Variants in KLRK1 observed in about 807,000 individuals in gnomAD.
KLRK1 encodes NKG2-D type II integral membrane protein.
Under a neutral mutation model 31.3 loss-of-function variants are expected in KLRK1, and 40 were observed. The observed-to-expected ratio is 1.28, with a 90% CI of 0.99 to 1.67. The LOEUF (loss-of-function observed/expected upper bound fraction) is 1.67. Among genes scored for constraint, KLRK1 ranks in the 40% most tolerant of loss-of-function variants. The pLI is 0.00. For synonymous variants in KLRK1, 77 were observed against 77.3 expected (o/e 1.00, Z 0.02); for missense variants, 251 against 260.0 (o/e 0.97, Z 0.24).
chr12:10,376,418 A>T (rs1862967008), intron 7 of KLRK1, among the ~76,000 whole-genome samples: 1 of 152,210 alleles, frequency 6.6e-6, no homozygotes. Flanking sequence ...TGAAAACTAA[A>T]TGACACATGT....
chr12:10,381,766 T>G (rs1863080477), intron 3 of KLRK1: 1 of 152,212 alleles, frequency 6.6e-6, no homozygotes, highest in Non-Finnish European at 1.5e-5. Context: ...GATTTTAGCA[T>G]GATAACGAGA....
rs1863030567 is a variant in KLRK1 at position 10,379,483 on chromosome 12, C to CTATTAAAATAACCATAAG, written c.242-19_242-2dup. 6.8e-7 allele frequency: 1 copy of CTATTAAAATAACCATAAG among 1,469,452 alleles called. No individual in the cohort carries two copies. Among genetic ancestry groups the CTATTAAAATAACCATAAG allele is most frequent in the South Asian group, 1.3e-5 (1 of 76,952 alleles). The allele number at this position is 1,469,452 out of a possible 1,614,324, so 91.0% of individuals were successfully genotyped here. On this transcript the variant is annotated splice_acceptor_variant, in intron 4 of 7. Coordinates refer to ENST00000240618, the MANE Select transcript of KLRK1 (RefSeq NM_007360.4). LOFTEE classifies it high-confidence loss of function. ...ATTTGAACTTCTTGGTTGAATAATG[C>CTATTAAAATAACCATAAG]TATTAAAATAACCATAAGTATTAAA...
chr12:10,378,815 T>G, intron 5 of KLRK1, 110 bp from the exon 6 acceptor site: 1 of 1,292,334 alleles, frequency 7.7e-7, no homozygotes, highest in Non-Finnish European at 1.0e-6. Context: ...TTCAGATTAT[T>G]AAATTATTAC....
chr12:10,376,810 C>CTTAGTTAT (rs1862974782), intron 7 of KLRK1, among the ~76,000 whole-genome samples: 1 of 149,716 alleles, frequency 6.7e-6, no homozygotes, highest in Non-Finnish European at 1.5e-5. Context: ...CTGAAATTTA[C>CTTAGTTAT]TTATTTATTT....
intron 3 of KLRK1, 193 bp from the exon 4 acceptor site, chr12:10,379,985 T>C (rs1863040214): frequency 2.5e-6 from 1 of 400,866 alleles, no homozygotes; most frequent in Admixed American, 4.2e-5. Flanking sequence ...AATGTAATAT[T>C]TCCTTCTATA....
rs564777109 is a variant in KLRK1, at chr12:10,378,384, A to G, written c.430-149T>C. ...ATAATTCTCATCCGAGCACACATAC[A>G]TGATACCTACAATTTCTGTGCTTTG... On this transcript the variant is annotated intron_variant, in intron 6 of 7. Coordinates refer to ENST00000240618, the MANE Select transcript of KLRK1 (RefSeq NM_007360.4). The G allele has an allele frequency of 1.3e-4, 179 of 1,334,242 alleles. No homozygotes were observed. The Middle Eastern group carries it at 2.3e-3, about 17-fold the overall frequency. 82.7% of individuals were successfully genotyped at this position (1,334,242 alleles called of 1,614,324 possible).
chr12:10,382,066 C>T (rs1048354677), intron 3 of KLRK1: 1 of 152,172 alleles, frequency 6.6e-6, no homozygotes, highest in African/African-American at 2.4e-5. Flanking sequence ...TAGTCTCAGC[C>T]CACTTTATCA....
intron 5 of KLRK1, chr12:10,379,060 G>A (rs545347202): frequency 1.5e-3 from 287 of 191,080 alleles, no homozygotes; most frequent in Non-Finnish European, 2.3e-3. Flanking sequence ...AGCTGAGGCA[G>A]GAGAATTGCT....
intron 6 of KLRK1, 131 bp downstream of exon 6, chr12:10,378,423 A>C: frequency 6.9e-7 from 1 of 1,449,578 alleles, no homozygotes; most frequent in Non-Finnish European, 9.3e-7. Context: ...TTTTCAATGA[A>C]GAAAGATTTA....
chr12:10,377,883 G>A (rs181528501), intron 7 of KLRK1, among the ~76,000 whole-genome samples: 67 of 152,132 alleles, frequency 4.4e-4, no homozygotes, highest in Non-Finnish European at 7.9e-4. Context: ...TCTGTAAAAC[G>A]AACATATTAG....
chr12:10,380,011 C>G (rs1433976360), intron 3 of KLRK1, among the ~76,000 whole-genome samples: 1 of 151,762 alleles, frequency 6.6e-6, no homozygotes, highest in Non-Finnish European at 1.5e-5. Flanking sequence ...CTACAAGTTC[C>G]CCAGTCATCC....
chr12:10,379,851 G>A, intron 3 of KLRK1, 59 bp from the exon 4 acceptor site: 3 of 1,440,622 alleles, frequency 2.1e-6, no homozygotes, highest in South Asian at 1.3e-5. Context: ...GGGTATCTTT[G>A]TATTTAATAT....
At chr12:10,374,596 T>C (rs12099689) in intron 7 of KLRK1, among the ~76,000 whole-genome samples, 2,577 of 151,684 alleles carry the variant, frequency 0.017, 62 homozygotes, top group African/African-American at 0.059. Context: ...GCTTTCACCA[T>C]GTTGGCCAAG....
chr12:10,386,843 C>A, intron 3 of KLRK1, 60 bp downstream of exon 3: 1 of 1,346,332 alleles, frequency 7.4e-7, no homozygotes, highest in South Asian at 1.5e-5. Context: ...CATTTAATCA[C>A]ATAGTTTCCA....
intron 7 of KLRK1, among the ~76,000 whole-genome samples, chr12:10,373,702 G>A (rs957395733): frequency 5.6e-5 from 7 of 124,204 alleles, no homozygotes; most frequent in Non-Finnish European, 1.2e-4. Flanking sequence ...ATAAGTGTGT[G>A]TGTGTGTGTG....
At chr12:10,377,831 G>A (rs1288731054) in intron 7 of KLRK1, among the ~76,000 whole-genome samples, 2 of 152,104 alleles carry the variant, frequency 1.3e-5, no homozygotes, top group Non-Finnish European at 2.9e-5. Flanking sequence ...AATTCAAAAA[G>A]AAATGTATGT....
intron 3 of KLRK1, 44 bp from the exon 4 acceptor site, chr12:10,379,836 G>C: frequency 5.2e-6 from 8 of 1,534,480 alleles, no homozygotes; most frequent in Non-Finnish European, 7.1e-6. Context: ...AAGCATAAAA[G>C]GTTTGGGTAT....
chr12:10,379,873 T>G, intron 3 of KLRK1, 81 bp from the exon 4 acceptor site: 1 of 1,287,800 alleles, frequency 7.8e-7, no homozygotes, highest in Non-Finnish European at 1.0e-6. Flanking sequence ...AATATTAGAG[T>G]TTTTTAAATG....
intron 1 of KLRK1, 33 bp from the exon 2 acceptor site, chr12:10,388,908 G>T: frequency 6.8e-7 from 1 of 1,465,180 alleles, no homozygotes; most frequent in Non-Finnish European, 9.4e-7. Flanking sequence ...TTTGTTTTTT[G>T]TTCTCTTTCC....
Sources: allele counts gnomAD v4.1 joint callset (sites outside exome capture counted in the v4.1 genomes callset), GRCh38; gene constraint gnomAD v4.1.1; transcripts MANE v1.5; gene names NCBI Gene and HGNC (gene_info 2026-07-23, HGNC 2026-07-21).